The following PDE4DIP variants were observed in gnomAD, a reference collection of about 807,000 sequenced individuals.
PDE4DIP encodes phosphodiesterase 4D interacting protein.
Under a neutral mutation model 221.4 loss-of-function variants are expected in PDE4DIP, and 59 were observed. The observed-to-expected ratio is 0.27, with a 90% CI of 0.22 to 0.33. PDE4DIP has a LOEUF of 0.33. Ranked by LOEUF, PDE4DIP falls within the 10% of genes least tolerant of loss-of-function variation. The pLI, the probability that PDE4DIP is intolerant of heterozygous loss-of-function variation, is 1.00. For missense variants in PDE4DIP, 1,036 were observed against 2,154.2 expected, an observed-to-expected ratio of 0.48 and a Z score of 10.28; for synonymous variants, 404 against 815.9, an observed-to-expected ratio of 0.50 and a Z score of 8.60.
chr1:148,973,331 C>T (rs2059560870), intron 16 of PDE4DIP, among the ~76,000 whole-genome samples: 1 of 151,220 alleles, frequency 6.6e-6, no homozygotes, highest in African/African-American at 2.4e-5. Flanking sequence ...GGGGTTTCAC[C>T]GTGTTAGCCA....
At chr1:148,923,229 C>T (rs2045891660) in intron 1 of PDE4DIP, among the ~76,000 whole-genome samples, 2 of 146,220 alleles carry the variant, frequency 1.4e-5, no homozygotes, top group South Asian at 2.3e-4. Flanking sequence ...TGAGCCCCCG[C>T]GCCCAGCCAA....
At chr1:148,935,316 C>G (rs1490200946) in intron 4 of PDE4DIP, among the ~76,000 whole-genome samples, 1 of 146,476 alleles carries the variant, frequency 6.8e-6, no homozygotes, top group Non-Finnish European at 1.5e-5. Context: ...GAGAATATGC[C>G]TAGCACATAG....
intron 1 of PDE4DIP, among the ~76,000 whole-genome samples, chr1:148,823,803 GGT>G (rs1284146034): frequency 1.3e-5 from 2 of 150,512 alleles, no homozygotes; most frequent in Non-Finnish European, 3.0e-5. Context: ...AAGTGTGCTT[GGT>G]AGTAATCAAA....
At chr1:148,923,826 T>A (rs1553463899) in intron 1 of PDE4DIP, among the ~76,000 whole-genome samples, 1 of 146,248 alleles carries the variant, frequency 6.8e-6, no homozygotes, top group East Asian at 1.9e-4. Flanking sequence ...ATTCATTTAT[T>A]CCTCACTACA....
chr1:148,912,283 T>G lies in PDE4DIP; in HGVS notation c.142-16914T>G, dbSNP rs577512. ...CAAGCTCTTTACTCATTCTTTGCAC[T>G]TGGCAGTTTGCATTGCCACTTGCTA... On this transcript the variant is annotated intron_variant, in intron 1 of 43. Transcript: ENST00000369354. 1.8e-3 allele frequency among the ~76,000 whole-genome samples: 266 copies of G among 146,984 alleles called. 14 individuals are homozygous for G. The highest frequency in any genetic ancestry group is 3.5e-3 in the Middle Eastern group (1 of 284).
At chr1:148,952,003 G>A (rs1269138849) in intron 5 of PDE4DIP, 58 of 952,618 alleles carry the variant, frequency 6.1e-5, no homozygotes, top group East Asian at 7.6e-5. Context: ...GGCGCGCAGC[G>A]GTACCTAGCG....
chr1:148,999,541 T>C (rs868952310), intron 23 of PDE4DIP, among the ~76,000 whole-genome samples: 2 of 152,340 alleles, frequency 1.3e-5, no homozygotes, highest in South Asian at 4.1e-4. Context: ...CTACATACTT[T>C]GTCAAACAAT....
At chr1:149,002,640 T>A (rs1326476112) in intron 24 of PDE4DIP, among the ~76,000 whole-genome samples, 1 of 152,138 alleles carries the variant, frequency 6.6e-6, no homozygotes, top group East Asian at 1.9e-4. Flanking sequence ...ACTTGATTGG[T>A]GCTGTGCTGT....
At chr1:149,030,189 C>T (rs782354955) in intron 42 of PDE4DIP, 43 bp from the exon 46 acceptor site, 7 of 1,363,296 alleles carry the variant, frequency 5.1e-6, no homozygotes, top group Middle Eastern at 2.6e-4. Context: ...GGGTTAATTT[C>T]TGCTGGTGGT....
exon 44 of PDE4DIP, chr1:149,032,096 T>G: frequency 6.3e-7 from 1 of 1,598,302 alleles, no homozygotes; most frequent in Non-Finnish European, 8.5e-7. Context: ...CTGAGGAGCA[T>G]CTGGGCCTCA....
intron 1 of PDE4DIP, among the ~76,000 whole-genome samples, chr1:148,903,020 C>A (rs1553447853): frequency 1.3e-5 from 2 of 152,048 alleles, no homozygotes; most frequent in Admixed American, 6.6e-5. Context: ...TACATTCCCA[C>A]AAGCAGTGTA....
At chr1:148,912,250 A>T (rs2042911376) in intron 1 of PDE4DIP, among the ~76,000 whole-genome samples, 1 of 146,452 alleles carries the variant, frequency 6.8e-6, no homozygotes, top group Non-Finnish European at 1.5e-5. Context: ...GGTAGTCTCC[A>T]TGCCAACCAA....
At chr1:148,942,308 G>T (rs1553480486) in intron 5 of PDE4DIP, 1 of 151,686 alleles carries the variant, frequency 6.6e-6, no homozygotes, top group Non-Finnish European at 1.5e-5. Flanking sequence ...TTATTTAATT[G>T]ATCTTACAGT....
intron 20 of PDE4DIP, 44 bp downstream of exon 23, chr1:148,979,893 T>A (rs1316341149): frequency 6.3e-7 from 1 of 1,591,148 alleles, no homozygotes; most frequent in Non-Finnish European, 8.6e-7. Context: ...ATTGAAATTT[T>A]TATTTCTTTT....
chr1:148,952,157 GA>G (rs2053535154), intron 5 of PDE4DIP: 1 of 1,034,458 alleles, frequency 9.7e-7, no homozygotes, highest in African/African-American at 1.7e-5. Flanking sequence ...ACTTTCAGGT[GA>G]GGTCTTAGCA....
chr1:149,009,177 TATC>T (rs1312403525), intron 29 of PDE4DIP, among the ~76,000 whole-genome samples: 1 of 137,196 alleles, frequency 7.3e-6, no homozygotes. Context: ...TGATTCCACT[TATC>T]ATGCTCTTGG....
At chr1:149,022,734 T>C (rs1172562612) in intron 37 of PDE4DIP, among the ~76,000 whole-genome samples, 1 of 151,442 alleles carries the variant, frequency 6.6e-6, no homozygotes, top group African/African-American at 2.4e-5. Flanking sequence ...TTCTGTATAG[T>C]AGATAATGAA....
intron 5 of PDE4DIP, chr1:148,953,422 T>G: frequency 6.2e-7 from 1 of 1,614,244 alleles, no homozygotes; most frequent in Non-Finnish European, 8.5e-7. Flanking sequence ...CAGCGTTGTC[T>G]GAGGTTGGGC....
intron 5 of PDE4DIP, chr1:148,953,933 T>A (rs782472545): frequency 6.4e-7 from 1 of 1,569,158 alleles, no homozygotes; most frequent in Non-Finnish European, 8.7e-7. Context: ...ATAGTGCCTT[T>A]CTGATTATAG....
Sources: allele counts gnomAD v4.1 joint callset (sites outside exome capture counted in the v4.1 genomes callset), GRCh38; gene constraint gnomAD v4.1.1; transcripts MANE v1.5; gene names NCBI Gene and HGNC (gene_info 2026-07-23, HGNC 2026-07-21).